Variants in ARHGAP26 observed in about 807,000 individuals in gnomAD.
ARHGAP26 encodes the protein Rho GTPase activating protein 26, also known as rho GTPase-activating protein 26.
Under a neutral mutation model 104.8 loss-of-function variants are expected in ARHGAP26, and 38 were observed. The observed-to-expected ratio is 0.36, with a 90% CI of 0.28 to 0.48. The LOEUF is 0.48. ARHGAP26 is among the 20% of genes least tolerant of loss of function. ARHGAP26 has a pLI of 0.99. For synonymous variants in ARHGAP26, 341 were observed against 340.0 expected (o/e 1.00, Z -0.03); for missense variants, 704 against 947.9 (o/e 0.74, Z 3.38).
intron 10 of ARHGAP26, among the ~76,000 whole-genome samples, chr5:142,914,047 A>G (rs1452942780): frequency 6.6e-6 from 1 of 152,152 alleles, no homozygotes; most frequent in Non-Finnish European, 1.5e-5. Flanking sequence ...TCAGCATGAT[A>G]CTCCGTATAA....
At chr5:142,854,595 A>G (rs1470419902) in intron 1 of ARHGAP26, among the ~76,000 whole-genome samples, 2 of 152,232 alleles carry the variant, frequency 1.3e-5, no homozygotes, top group African/African-American at 4.8e-5. Flanking sequence ...TTGGAAGCAA[A>G]GGAAACTTGA....
At chr5:143,018,484 T>A (rs960915745) in intron 12 of ARHGAP26, among the ~76,000 whole-genome samples, 14 of 152,254 alleles carry the variant, frequency 9.2e-5, no homozygotes, top group Non-Finnish European at 7.3e-5. Context: ...CTTGCACATT[T>A]AAGTTTCTAA....
intron 17 of ARHGAP26, among the ~76,000 whole-genome samples, chr5:143,105,512 C>T (rs1440719767): frequency 6.6e-6 from 1 of 152,196 alleles, no homozygotes; most frequent in East Asian, 1.9e-4. Flanking sequence ...CATTTTATTG[C>T]GTAAGTTTTC....
intron 11 of ARHGAP26, among the ~76,000 whole-genome samples, chr5:142,965,817 G>T (rs961001171): frequency 7.2e-5 from 11 of 152,192 alleles, no homozygotes; most frequent in Non-Finnish European, 2.9e-5. Flanking sequence ...GGCTCAGTAG[G>T]ATGCTGCCGA....
chr5:142,784,257 A>G (rs1597602423), intron 1 of ARHGAP26, among the ~76,000 whole-genome samples: 1 of 152,208 alleles, frequency 6.6e-6, no homozygotes, highest in South Asian at 2.1e-4. Context: ...GCTCCATTGC[A>G]TAGGAAATTG....
intron 11 of ARHGAP26, among the ~76,000 whole-genome samples, chr5:143,011,576 A>G (rs1396489098): frequency 1.3e-5 from 2 of 152,144 alleles, no homozygotes. Context: ...AAACTTTTCA[A>G]AGCCGCTATG....
At chr5:142,897,121 TGTA>T (rs1258911553) in intron 6 of ARHGAP26, among the ~76,000 whole-genome samples, 1 of 152,042 alleles carries the variant, frequency 6.6e-6, no homozygotes, top group African/African-American at 2.4e-5. Context: ...GCAAGATGTG[TGTA>T]GTAGAGAGCT....
intron 11 of ARHGAP26, among the ~76,000 whole-genome samples, chr5:142,949,662 A>G (rs1480601559): frequency 6.6e-6 from 1 of 152,176 alleles, no homozygotes; most frequent in Non-Finnish European, 1.5e-5. Flanking sequence ...TGGTACAAGC[A>G]GAGGAAATAG....
chr5:143,067,138 A>C (rs558934893), intron 17 of ARHGAP26, among the ~76,000 whole-genome samples: 1 of 150,570 alleles, frequency 6.6e-6, no homozygotes. Flanking sequence ...CTGGAGGGGG[A>C]TGGCGCGTTA....
chr5:142,907,004 A>G (rs1180421419), intron 8 of ARHGAP26, among the ~76,000 whole-genome samples: 2 of 152,180 alleles, frequency 1.3e-5, no homozygotes, highest in Non-Finnish European at 2.9e-5. Context: ...GTAATTGGCT[A>G]AGCACTGAGT....
intron 17 of ARHGAP26, among the ~76,000 whole-genome samples, chr5:143,083,558 A>C (rs1790113318): frequency 6.6e-6 from 1 of 152,126 alleles, no homozygotes; most frequent in Non-Finnish European, 1.5e-5. Context: ...AAGTGCAGGG[A>C]CACAATCTTG....
intron 19 of ARHGAP26, among the ~76,000 whole-genome samples, chr5:143,137,271 T>A (rs1798013148): frequency 6.6e-6 from 1 of 152,226 alleles, no homozygotes; most frequent in African/African-American, 2.4e-5. Context: ...CAAACTGGCT[T>A]TTAATTTTGA....
intron 11 of ARHGAP26, among the ~76,000 whole-genome samples, chr5:143,005,107 C>T (rs1393886772): frequency 2.6e-5 from 4 of 152,090 alleles, no homozygotes; most frequent in African/African-American, 9.7e-5. Context: ...TTACCACAAC[C>T]CTTGTCTGTG....
intron 11 of ARHGAP26, among the ~76,000 whole-genome samples, chr5:142,980,824 G>A (rs943931688): frequency 1.3e-5 from 2 of 152,138 alleles, no homozygotes; most frequent in Non-Finnish European, 2.9e-5. Flanking sequence ...TTGCAAAGAG[G>A]TTGTACCCAT....
At chr5:143,140,618 G>C (rs571533245) in intron 19 of ARHGAP26, among the ~76,000 whole-genome samples, 6 of 152,076 alleles carry the variant, frequency 3.9e-5, no homozygotes, top group Middle Eastern at 3.2e-3. Flanking sequence ...TTTGGAGCCT[G>C]CAGATTCCAA....
At chr5:142,938,084 A>G (rs1191885447) in intron 11 of ARHGAP26, among the ~76,000 whole-genome samples, 2 of 152,198 alleles carry the variant, frequency 1.3e-5, no homozygotes, top group Non-Finnish European at 2.9e-5. Flanking sequence ...TGGAGTTTGA[A>G]CAACGAGTAT....
intron 18 of ARHGAP26, among the ~76,000 whole-genome samples, chr5:143,124,606 C>T (rs1293470440): frequency 1.3e-5 from 2 of 152,222 alleles, no homozygotes; most frequent in African/African-American, 4.8e-5. Context: ...GCTGTCCCAT[C>T]ATTCAGGAGT....
intron 20 of ARHGAP26, chr5:143,169,016 G>T (rs1196247038): frequency 2.0e-5 from 3 of 152,246 alleles, no homozygotes; most frequent in Non-Finnish European, 4.4e-5. Context: ...AGTGGTGATA[G>T]TCTGACACAT....
intron 11 of ARHGAP26, among the ~76,000 whole-genome samples, chr5:142,991,276 A>G (rs926251323): frequency 4.6e-5 from 7 of 152,156 alleles, no homozygotes; most frequent in Non-Finnish European, 7.3e-5. Flanking sequence ...TGCAGGATAT[A>G]ATCTCCTGGT....
Sources: gnomAD v4.1 joint callset for allele counts (sites outside exome capture counted in the v4.1 genomes callset) on GRCh38, gnomAD v4.1.1 for gene constraint, MANE v1.5 for transcripts, NCBI Gene and HGNC (gene_info 2026-07-23, HGNC 2026-07-21) for gene names.